The following ZCCHC7 variants were observed in gnomAD, a reference collection of about 807,000 sequenced individuals.
ZCCHC7 encodes the protein zinc finger CCHC domain-containing protein 7.
ZCCHC7 carries 35 observed loss-of-function variants against 52.0 expected under a neutral mutation model. That is an observed-to-expected ratio of 0.67 (90% CI 0.51 to 0.89). The LOEUF is 0.89. Ranked by LOEUF, ZCCHC7 falls within the 40% of genes least tolerant of loss-of-function variation. The probability of loss-of-function intolerance (pLI) is 0.00; values close to 1 mark genes in which losing one functional copy is unlikely to be tolerated. For synonymous variants in ZCCHC7, 217 were observed against 221.5 expected (o/e 0.98, Z 0.18); for missense variants, 574 against 649.1 (o/e 0.88, Z 1.26).
At chr9:37,316,656 A>G (rs1829836835) in intron 5 of ZCCHC7, among the ~76,000 whole-genome samples, 1 of 152,172 alleles carries the variant, frequency 6.6e-6, no homozygotes, top group Non-Finnish European at 1.5e-5. Flanking sequence ...ATTTGGCACA[A>G]TGGAAGGGTC....
intron 5 of ZCCHC7, among the ~76,000 whole-genome samples, chr9:37,316,028 A>AG (rs1829803043): frequency 2.7e-5 from 4 of 150,374 alleles, no homozygotes; most frequent in African/African-American, 9.9e-5. Context: ...AAAAAAAAAA[A>AG]AGGGTTCCTT....
intron 6 of ZCCHC7, among the ~76,000 whole-genome samples, chr9:37,336,184 T>C (rs1006533796): frequency 6.6e-6 from 1 of 152,264 alleles, no homozygotes; most frequent in Admixed American, 6.5e-5. Flanking sequence ...CCTGATTTCA[T>C]AGCAAAATGT....
chr9:37,313,351 A>G (rs1829676149), intron 5 of ZCCHC7, among the ~76,000 whole-genome samples: 1 of 152,216 alleles, frequency 6.6e-6, no homozygotes, highest in African/African-American at 2.4e-5. Context: ...TGATGTACAC[A>G]AAACTCACGA....
chr9:37,347,273 C>G (rs1821047953), intron 6 of ZCCHC7, among the ~76,000 whole-genome samples: 1 of 152,152 alleles, frequency 6.6e-6, no homozygotes, highest in African/African-American at 2.4e-5. Flanking sequence ...TAAACAGATT[C>G]CACCAAATCC....
chr9:37,327,007 A>C (rs1049960073), intron 5 of ZCCHC7: 1 of 152,132 alleles, frequency 6.6e-6, no homozygotes, highest in Non-Finnish European at 1.5e-5. Flanking sequence ...TTGGTTAGAA[A>C]AAGTGTCCTT....
chr9:37,326,640 T>C (rs1830254260), intron 5 of ZCCHC7, among the ~76,000 whole-genome samples: 1 of 151,904 alleles, frequency 6.6e-6, no homozygotes, highest in Non-Finnish European at 1.5e-5. Context: ...GTATAATCAG[T>C]AGAGGTATTG....
chr9:37,227,591 T>C (rs1019721383), intron 2 of ZCCHC7, among the ~76,000 whole-genome samples: 1 of 152,200 alleles, frequency 6.6e-6, no homozygotes, highest in Admixed American at 6.5e-5. Context: ...CCCAGGTATT[T>C]ACCCAAGAGA....
At chr9:37,182,961 C>T (rs979129159) in intron 2 of ZCCHC7, among the ~76,000 whole-genome samples, 3 of 152,160 alleles carry the variant, frequency 2.0e-5, no homozygotes, top group African/African-American at 7.2e-5. Context: ...GTAGCCACTG[C>T]ACTTCAGCCT....
intron 2 of ZCCHC7, among the ~76,000 whole-genome samples, chr9:37,235,839 T>C (rs1825626575): frequency 6.6e-6 from 1 of 151,632 alleles, no homozygotes; most frequent in Non-Finnish European, 1.5e-5. Context: ...CCACCCACCT[T>C]GGCCTCCCAA....
At chr9:37,134,711 G>GGTTGTTTTTTGTTGTT (rs902674105) in intron 2 of ZCCHC7, among the ~76,000 whole-genome samples, 3 of 151,820 alleles carry the variant, frequency 2.0e-5, no homozygotes, top group Non-Finnish European at 2.9e-5. Context: ...GTTTTTTGTT[G>GGTTGTTTTTTGTTGTT]GTTGTTTTTT....
chr9:37,342,170 G>A (rs1820681247), intron 6 of ZCCHC7, among the ~76,000 whole-genome samples: 1 of 152,186 alleles, frequency 6.6e-6, no homozygotes, highest in African/African-American at 2.4e-5. Flanking sequence ...AGTGGAAAGA[G>A]GTGGATGTAT....
chr9:37,347,627 T>C (rs1821075426), intron 6 of ZCCHC7, among the ~76,000 whole-genome samples: 2 of 152,170 alleles, frequency 1.3e-5, no homozygotes, highest in African/African-American at 4.8e-5. Flanking sequence ...GGAAGTAACC[T>C]GGCTTTAAAG....
chr9:37,298,709 G>T (rs1373006752), intron 2 of ZCCHC7, among the ~76,000 whole-genome samples: 1 of 152,172 alleles, frequency 6.6e-6, no homozygotes, highest in African/African-American at 2.4e-5. Context: ...TTACCCAGGT[G>T]TATACATTTG....
intron 2 of ZCCHC7, among the ~76,000 whole-genome samples, chr9:37,187,561 A>G (rs554205421): frequency 1.3e-4 from 20 of 152,326 alleles, no homozygotes; most frequent in African/African-American, 4.1e-4. Context: ...TCTTGACAGT[A>G]TCATGCACAG....
chr9:37,170,061 TAA>T (rs1047024022), intron 2 of ZCCHC7, among the ~76,000 whole-genome samples: 1 of 143,852 alleles, frequency 7.0e-6, no homozygotes, highest in Non-Finnish European at 1.5e-5. Flanking sequence ...TCCTATCTCT[TAA>T]AAAAAAAAAA....
intron 2 of ZCCHC7, among the ~76,000 whole-genome samples, chr9:37,271,687 A>G (rs1827420058): frequency 2.0e-5 from 3 of 152,152 alleles, no homozygotes; most frequent in Admixed American, 2.0e-4. Flanking sequence ...CTCATGTCTC[A>G]GCCTCCTGAG....
At chr9:37,341,028 C>G (rs1820602200) in intron 6 of ZCCHC7, among the ~76,000 whole-genome samples, 2 of 152,082 alleles carry the variant, frequency 1.3e-5, no homozygotes, top group Non-Finnish European at 2.9e-5. Context: ...ACATTTCTTT[C>G]AGGGGCTAAA....
At chr9:37,235,798 C>T (rs1825624268) in intron 2 of ZCCHC7, among the ~76,000 whole-genome samples, 1 of 151,636 alleles carries the variant, frequency 6.6e-6, no homozygotes, top group African/African-American at 2.4e-5. Context: ...CCATGTTGGC[C>T]AGGATGGTCT....
At chr9:37,226,622 G>A (rs7023592) in intron 2 of ZCCHC7, among the ~76,000 whole-genome samples, 144,836 of 152,274 alleles carry the variant, frequency 0.95, 68,939 homozygotes, top group South Asian at 0.98. Context: ...TGCTGGACCA[G>A]TCTATAGCCA....
Sources: allele counts gnomAD v4.1 joint callset (sites outside exome capture counted in the v4.1 genomes callset), GRCh38; gene constraint gnomAD v4.1.1; transcripts MANE v1.5; gene names NCBI Gene and HGNC (gene_info 2026-07-23, HGNC 2026-07-21).